The following STXBP6 variants were observed in gnomAD, a reference collection of about 807,000 sequenced individuals.
STXBP6 encodes syntaxin binding protein 6, also known as syntaxin-binding protein 6.
STXBP6 carries 21 observed loss-of-function variants against 26.9 expected under a neutral mutation model. That is an observed-to-expected ratio of 0.78 (90% CI 0.55 to 1.12). The LOEUF is 1.12. Ranked by LOEUF, STXBP6 falls within the 50% of genes most tolerant of loss-of-function variation. The probability of loss-of-function intolerance (pLI) is 0.00; values close to 1 mark genes in which losing one functional copy is unlikely to be tolerated. For synonymous variants in STXBP6, 97 were observed against 92.6 expected (o/e 1.05, Z -0.27); for missense variants, 232 against 257.9 (o/e 0.90, Z 0.69).
chr14:24,952,539 AG>A (rs2073204444), intron 2 of STXBP6, among the ~76,000 whole-genome samples: 1 of 152,184 alleles, frequency 6.6e-6, no homozygotes, highest in Admixed American at 6.6e-5. Context: ...TTGAAGGGGC[AG>A]AATTATAGCC....
At chr14:24,870,931 C>G (rs147332126) in intron 2 of STXBP6, among the ~76,000 whole-genome samples, 421 of 152,230 alleles carry the variant, frequency 2.8e-3, no homozygotes, top group Admixed American at 4.7e-3. Context: ...TTTGAGTATG[C>G]CAGCATTTTA....
intron 2 of STXBP6, among the ~76,000 whole-genome samples, chr14:24,953,420 C>A (rs1241540922): frequency 6.6e-6 from 1 of 152,180 alleles, no homozygotes; most frequent in African/African-American, 2.4e-5. Context: ...GTTTGCTGAG[C>A]TGCAGTCACA....
At chr14:24,863,586 A>G (rs559671835) in intron 2 of STXBP6, among the ~76,000 whole-genome samples, 17 of 152,318 alleles carry the variant, frequency 1.1e-4, no homozygotes, top group African/African-American at 3.6e-4. Flanking sequence ...ATCAAGAGAT[A>G]TCAAGAGACT....
At chr14:24,833,622 T>C (rs1311125911) in intron 4 of STXBP6, among the ~76,000 whole-genome samples, 1 of 152,230 alleles carries the variant, frequency 6.6e-6, no homozygotes, top group East Asian at 1.9e-4. Context: ...GGCATTCATC[T>C]TGGGTTGTGC....
intron 2 of STXBP6, among the ~76,000 whole-genome samples, chr14:24,903,342 T>A (rs2071278675): frequency 6.6e-6 from 1 of 152,222 alleles, no homozygotes; most frequent in African/African-American, 2.4e-5. Context: ...AGCTCCTGTC[T>A]AAAAGCCTTC....
chr14:24,989,213 A>G (rs910948042), intron 1 of STXBP6, among the ~76,000 whole-genome samples: 18 of 152,164 alleles, frequency 1.2e-4, no homozygotes, highest in African/African-American at 4.1e-4. Context: ...ACCATCATCC[A>G]GATTGTTCTA....
At chr14:24,901,228 C>G (rs995828687) in intron 2 of STXBP6, among the ~76,000 whole-genome samples, 15 of 151,396 alleles carry the variant, frequency 9.9e-5, no homozygotes, top group African/African-American at 3.4e-4. Flanking sequence ...TTCTTTCATT[C>G]TATAAAATTG....
At chr14:24,978,710 T>G (rs1038700735) in intron 1 of STXBP6, among the ~76,000 whole-genome samples, 30 of 152,252 alleles carry the variant, frequency 2.0e-4, no homozygotes, top group African/African-American at 6.0e-4. Context: ...TACAAAAAAC[T>G]AATCACAGTT....
At chr14:24,973,658 A>G (rs1595225981) in intron 2 of STXBP6, among the ~76,000 whole-genome samples, 1 of 152,088 alleles carries the variant, frequency 6.6e-6, no homozygotes, top group African/African-American at 2.4e-5. Context: ...AGTGCTGAGC[A>G]TTATAGGCAT....
At chr14:25,034,599 C>T (rs1310292155) in intron 1 of STXBP6, among the ~76,000 whole-genome samples, 1 of 152,092 alleles carries the variant, frequency 6.6e-6, no homozygotes, top group African/African-American at 2.4e-5. Context: ...ACTTAGGAGT[C>T]ACATGGATGG....
At chr14:24,871,041 T>C (rs2069912460) in intron 2 of STXBP6, among the ~76,000 whole-genome samples, 1 of 152,070 alleles carries the variant, frequency 6.6e-6, no homozygotes. Flanking sequence ...CAGAGAAAAA[T>C]GTAATTGACA....
intron 5 of STXBP6, among the ~76,000 whole-genome samples, chr14:24,813,117 T>C (rs1446789579): frequency 6.6e-6 from 1 of 152,172 alleles, no homozygotes; most frequent in Non-Finnish European, 1.5e-5. Context: ...CCCTGAATTG[T>C]ATTTACTGGC....
At chr14:25,004,113 T>C (rs888154407) in intron 1 of STXBP6, among the ~76,000 whole-genome samples, 23 of 152,100 alleles carry the variant, frequency 1.5e-4, no homozygotes, top group African/African-American at 5.3e-4. Context: ...ATCGTGCAAA[T>C]TGAAGAGGGA....
chr14:24,882,330 G>C (rs1186871795), intron 2 of STXBP6, among the ~76,000 whole-genome samples: 4 of 120,490 alleles, frequency 3.3e-5, no homozygotes, highest in Non-Finnish European at 4.9e-5. Context: ...AGTGAGCCGA[G>C]ATCCCGCCAC....
At chr14:24,890,569 T>C (rs1014438259) in intron 2 of STXBP6, among the ~76,000 whole-genome samples, 2 of 152,146 alleles carry the variant, frequency 1.3e-5, no homozygotes, top group South Asian at 2.1e-4. Flanking sequence ...CTCCTAGATA[T>C]ATTACTGTGA....
At chr14:24,984,259 C>T (rs533608651) in intron 1 of STXBP6, among the ~76,000 whole-genome samples, 12 of 152,010 alleles carry the variant, frequency 7.9e-5, no homozygotes, top group Non-Finnish European at 1.8e-4. Context: ...ACAAAGAAAC[C>T]AAAGAAAAAG....
chr14:24,825,099 C>T lies in STXBP6; in HGVS notation c.452-5905G>A, dbSNP rs542749715. ...AAAATCTTTAATGCGTTAATGTAAA[C>T]TGAATGAAAAGGAGGTACGGGTGAG... is the stretch of plus-strand genomic sequence containing the variant. On this transcript the variant is annotated intron_variant, in intron 4 of 5. Transcript: ENST00000323944. 2.9e-4 allele frequency among the ~76,000 whole-genome samples: 44 copies of T among 152,250 alleles called. No individual in the cohort carries two copies. The South Asian group carries it at 3.7e-3, about 13-fold the overall frequency.
At chr14:24,837,723 A>C (rs1461329849) in intron 4 of STXBP6, among the ~76,000 whole-genome samples, 1 of 152,212 alleles carries the variant, frequency 6.6e-6, no homozygotes, top group Non-Finnish European at 1.5e-5. Context: ...TCAATCAATA[A>C]ATAGGGCATA....
intron 2 of STXBP6, among the ~76,000 whole-genome samples, chr14:24,897,091 A>G (rs1459322265): frequency 6.6e-6 from 1 of 152,334 alleles, no homozygotes; most frequent in Admixed American, 6.5e-5. Context: ...TTGGATTTCC[A>G]AAATCCAAAA....
Sources: gnomAD v4.1 joint callset for allele counts (sites outside exome capture counted in the v4.1 genomes callset) on GRCh38, gnomAD v4.1.1 for gene constraint, MANE v1.5 for transcripts, NCBI Gene and HGNC (gene_info 2026-07-23, HGNC 2026-07-21) for gene names.